The following LRRIQ1 variants were observed in gnomAD, a reference collection of about 807,000 sequenced individuals.
LRRIQ1 encodes the protein leucine-rich repeat- and IQ domain-containing protein 1.
In LRRIQ1, 210 loss-of-function variants were observed where a neutral mutation model predicts 211.9. That is an observed-to-expected ratio of 0.99 (90% CI 0.89 to 1.11). The LOEUF is 1.11. LRRIQ1 is among the 50% of genes most tolerant of loss of function. The probability of loss-of-function intolerance (pLI) is 0.00; values close to 1 mark genes in which losing one functional copy is unlikely to be tolerated. For synonymous variants in LRRIQ1, 699 were observed against 650.1 expected, an observed-to-expected ratio of 1.08 and a Z score of -1.14; for missense variants, 2,136 against 1,939.5, an observed-to-expected ratio of 1.10 and a Z score of -1.90.
chr12:85,153,130 C>G lies in LRRIQ1; in HGVS notation c.4526C>G (p.Thr1509Arg). 2 of 1,587,200 alleles carry G rather than the reference C, an allele frequency of 1.3e-6. No individual in the cohort carries two copies. The change falls in exon 21 of 27, where the codon ACA becomes AGA. Residue 1509 changes from threonine to arginine, a missense_variant. Coordinates refer to ENST00000393217, the MANE Select transcript of LRRIQ1 (RefSeq NM_001079910.2). Reference sequence around the variant, plus strand: ...GAAAATTTGTCTTCTTCAGAACACACACAATTTAATAGCAGGTAAGCTAAA... The same window carrying G: ...GAAAATTTGTCTTCTTCAGAACACAGACAATTTAATAGCAGGTAAGCTAAA... ...DKENLSSSEHTQFNSRSENKT... is the reference protein window; with the variant it reads ...DKENLSSSEHRQFNSRSENKT...
At chr12:85,272,210 AGTTT>A in the LRRIQ1 span, among the ~76,000 whole-genome samples, 1 of 152,186 alleles carries the variant, frequency 6.6e-6, no homozygotes, top group African/African-American at 2.4e-5. Flanking sequence ...AAGTTTCTTT[AGTTT>A]ATTTGCCAAT....
intron 10 of LRRIQ1, among the ~76,000 whole-genome samples, chr12:85,071,057 T>C (rs1883027183): frequency 6.6e-6 from 1 of 151,972 alleles, no homozygotes; most frequent in Admixed American, 6.6e-5. Flanking sequence ...TCCCATTTGA[T>C]TGTGTTTAAC....
intron 26 of LRRIQ1, among the ~76,000 whole-genome samples, chr12:85,234,854 T>C (rs1895103497): frequency 1.3e-5 from 2 of 152,182 alleles, no homozygotes; most frequent in African/African-American, 4.8e-5. Flanking sequence ...TTATAAACTC[T>C]GGAAATAAAA....
In LRRIQ1 at chr12:85,152,279, G is replaced by A. The variant is rs775015980; in HGVS notation, c.4330-1G>A. 1.7e-5 allele frequency: 27 copies of A among 1,605,520 alleles called. No individual in the cohort carries two copies. Among genetic ancestry groups the A allele is most frequent in the Non-Finnish European group, 2.1e-5 (25 of 1,175,736 alleles). ...CATACATTTTAATATTATTTGTGCA[G>A]GCTGCCTTAGAAGAAGAATGGCTAG... On this transcript the variant is annotated splice_acceptor_variant, in intron 19 of 26. Coordinates refer to ENST00000393217, the MANE Select transcript of LRRIQ1 (RefSeq NM_001079910.2). LOFTEE classifies it high-confidence loss of function.
chr12:85,159,129 TTAGC>T (rs1007984131), intron 23 of LRRIQ1, among the ~76,000 whole-genome samples: 66 of 152,140 alleles, frequency 4.3e-4, no homozygotes, highest in Admixed American at 3.7e-3. Context: ...TTGAGTAACT[TTAGC>T]TAGATAACCT....
intron 15 of LRRIQ1, among the ~76,000 whole-genome samples, chr12:85,113,479 TTTG>T (rs1887332435): frequency 6.6e-6 from 1 of 152,030 alleles, no homozygotes; most frequent in African/African-American, 2.4e-5. Context: ...TGGAAAAAAT[TTTG>T]TTTATTGTTT....
chr12:85,152,945 A>C, intron 20 of LRRIQ1, 79 bp from the exon 21 acceptor site: 2 of 966,772 alleles, frequency 2.1e-6, no homozygotes, highest in Non-Finnish European at 3.0e-6. Flanking sequence ...CTATTTGGTA[A>C]TATGCATGTA....
chr12:85,140,481 T>A (rs1236062213), intron 19 of LRRIQ1, among the ~76,000 whole-genome samples: 1 of 151,380 alleles, frequency 6.6e-6, no homozygotes, highest in African/African-American at 2.4e-5. Flanking sequence ...CCATTAATTT[T>A]AATAGATTAT....
At chr12:85,090,387 T>A (rs908002162) in intron 11 of LRRIQ1, among the ~76,000 whole-genome samples, 3 of 152,070 alleles carry the variant, frequency 2.0e-5, no homozygotes, top group African/African-American at 7.2e-5. Context: ...GAATTGTAGA[T>A]CCACTGGCAG....
At chr12:85,257,074 A>T (rs1477994607) in intron 1 of LRRIQ1, among the ~76,000 whole-genome samples, 52 of 114,714 alleles carry the variant, frequency 4.5e-4, no homozygotes, top group Non-Finnish European at 7.7e-4. Flanking sequence ...AATTATATAA[A>T]TATATATAAT....
chr12:85,087,093 T>A (rs891901371), intron 11 of LRRIQ1, among the ~76,000 whole-genome samples: 9 of 151,382 alleles, frequency 5.9e-5, no homozygotes, highest in Non-Finnish European at 1.0e-4. Flanking sequence ...TCCCTCCCCA[T>A]CCCCCCACCC....
intron 24 of LRRIQ1, among the ~76,000 whole-genome samples, chr12:85,175,232 G>C (rs1443122417): frequency 1.3e-5 from 2 of 152,142 alleles, no homozygotes; most frequent in African/African-American, 4.8e-5. Flanking sequence ...GATCCAGCAA[G>C]AGAAAGAAGC....
intron 11 of LRRIQ1, among the ~76,000 whole-genome samples, chr12:85,088,515 G>C (rs952782657): frequency 6.6e-6 from 1 of 152,128 alleles, no homozygotes; most frequent in Non-Finnish European, 1.5e-5. Flanking sequence ...GGATAGCATT[G>C]AATCTATAAA....
rs369475064 is a variant in LRRIQ1 at position 85,183,862 on chromosome 12, A to G, written c.4822+23148A>G. On this transcript the variant is annotated intron_variant, in intron 24 of 26. Coordinates refer to ENST00000393217, the MANE Select transcript of LRRIQ1 (RefSeq NM_001079910.2). ...CATATAAGGTTGTTTGTTTACTGTT[A>G]TACTCTTATAAAATCTGTTTATGTT... Among the ~76,000 whole-genome samples, 18 of 152,066 alleles carry G rather than the reference A, an allele frequency of 1.2e-4. 1 individual carries two copies. The East Asian group carries it at 1.7e-3, about 15-fold the overall frequency.
At chr12:85,077,467 C>G (rs1325732173) in intron 11 of LRRIQ1, among the ~76,000 whole-genome samples, 1 of 152,102 alleles carries the variant, frequency 6.6e-6, no homozygotes, top group East Asian at 1.9e-4. Context: ...TGAAAAGGCT[C>G]TTTAATATTT....
intron 24 of LRRIQ1, among the ~76,000 whole-genome samples, chr12:85,177,255 G>T (rs1891752678): frequency 6.6e-6 from 1 of 152,108 alleles, no homozygotes. Context: ...TGCGGAAAAA[G>T]ATGAGGGTAC....
the LRRIQ1 span, among the ~76,000 whole-genome samples, chr12:85,271,509 A>G: frequency 0.013 from 2,051 of 152,260 alleles, 22 homozygotes; most frequent in Non-Finnish European, 0.021. Flanking sequence ...CCTCAGCCAC[A>G]GTACACAAAA....
At chr12:85,070,778 A>G (rs1028681931) in intron 10 of LRRIQ1, among the ~76,000 whole-genome samples, 12 of 151,816 alleles carry the variant, frequency 7.9e-5, no homozygotes, top group African/African-American at 2.4e-4. Flanking sequence ...TTTTTCTTCC[A>G]CTATATTCCT....
At chr12:85,191,367 G>T (rs1359034556) in intron 24 of LRRIQ1, among the ~76,000 whole-genome samples, 2 of 151,794 alleles carry the variant, frequency 1.3e-5, no homozygotes, top group African/African-American at 4.8e-5. Flanking sequence ...TCTTTTTACT[G>T]ACTCCATAAT....
Sources: gnomAD v4.1 joint callset for allele counts (sites outside exome capture counted in the v4.1 genomes callset) on GRCh38, gnomAD v4.1.1 for gene constraint, MANE v1.5 for transcripts, NCBI Gene and HGNC (gene_info 2026-07-23, HGNC 2026-07-21) for gene names.